NRG1: variants seen among roughly 807,000 people sequenced by gnomAD.
NRG1 encodes the protein neuregulin 1, also known as pro-neuregulin-1, membrane-bound isoform.
A neutral mutation model predicts 63.8 loss-of-function variants in NRG1; 18 were observed. That is an observed-to-expected ratio of 0.28 (90% confidence interval 0.19 to 0.42). The LOEUF is 0.42. Ranked by LOEUF, NRG1 falls within the 10% of genes least tolerant of loss-of-function variation. The pLI is 1.00. For synonymous variants in NRG1, 302 were observed against 301.3 expected, an observed-to-expected ratio of 1.00 and a Z score of -0.02; for missense variants, 762 against 814.7, an observed-to-expected ratio of 0.94 and a Z score of 0.79.
At chr8:32,061,504 C>A (rs187564018) in intron 1 of NRG1, among the ~76,000 whole-genome samples, 6 of 151,892 alleles carry the variant, frequency 4.0e-5, no homozygotes, top group Non-Finnish European at 8.8e-5. Flanking sequence ...CAGATATTCC[C>A]GCCTTCCACT....
rs199950095 is a variant in NRG1, at chr8:32,251,865, C to T, written c.38-343963C>T. On this transcript the variant is annotated intron_variant, in intron 1 of 10. Coordinates refer to the NRG1 transcript ENST00000519301. ...ATGATTTTCTCATATGTTTGTTAGC[C>T]GCATAATGGTCATTTCTCTAATGTT... is the stretch of plus-strand genomic sequence containing the variant. 1.3e-5 allele frequency among the ~76,000 whole-genome samples: 2 copies of T among 148,962 alleles called. 1 individual carries two copies. The highest frequency in any genetic ancestry group is 6.4e-3 in the Middle Eastern group (2 of 312).
chr8:32,540,179 G>A (rs1030527482), intron 1 of NRG1, among the ~76,000 whole-genome samples: 4 of 152,062 alleles, frequency 2.6e-5, no homozygotes, highest in Non-Finnish European at 4.4e-5. Flanking sequence ...CAGGTAAACC[G>A]GCAGGATAAA....
rs764117626 is a variant in NRG1 at position 31,640,458 on chromosome 8, G to A, written c.37+1027G>A. The A allele has an allele frequency of 8.3e-6, 13 of 1,570,024 alleles. No homozygotes were observed. In the South Asian group the frequency reaches 1.5e-4, roughly 18 times the overall value. Reference sequence around the variant, plus strand: ...GCGCCGGCGAGCCCGGGGAGGAGGCGCCCTATCTGGTGAAGGTGCACCAGG... The same window carrying A: ...GCGCCGGCGAGCCCGGGGAGGAGGCACCCTATCTGGTGAAGGTGCACCAGG... On this transcript the variant is annotated intron_variant, in intron 1 of 10. Transcript: ENST00000519301. The surrounding 1 kb of genome is among the most constrained non-coding windows in gnomAD (Gnocchi z 6.3).
chr8:32,772,134 G>A (rs554678675), downstream of NRG1, among the ~76,000 whole-genome samples: 6 of 149,060 alleles, frequency 4.0e-5, no homozygotes, highest in East Asian at 3.9e-4. Context: ...AGACGGCTCT[G>A]GTTTCAGATT....
At chr8:32,741,453 C>CT (rs1307687988) in intron 6 of NRG1, among the ~76,000 whole-genome samples, 1 of 151,974 alleles carries the variant, frequency 6.6e-6, no homozygotes, top group Non-Finnish European at 1.5e-5. Flanking sequence ...TTTGTAATGT[C>CT]TTTTTAAAAA....
intron 1 of NRG1, among the ~76,000 whole-genome samples, chr8:32,534,058 TG>T (rs1302166131): frequency 6.6e-6 from 1 of 152,052 alleles, no homozygotes; most frequent in African/African-American, 2.4e-5. Flanking sequence ...GTCATACTCA[TG>T]AGTACAGAAA....
chr8:32,108,466 C>T (rs867877584), intron 1 of NRG1, among the ~76,000 whole-genome samples: 6 of 152,142 alleles, frequency 3.9e-5, no homozygotes, highest in Non-Finnish European at 4.4e-5. Context: ...TTATAGAGGC[C>T]TTAATCGCAT....
At chr8:31,897,228 G>T (rs62508657) in intron 1 of NRG1, among the ~76,000 whole-genome samples, 4 of 151,900 alleles carry the variant, frequency 2.6e-5, no homozygotes, top group Non-Finnish European at 5.9e-5. Flanking sequence ...ATGATAGGAT[G>T]GGGGAGTAGG....
chr8:31,894,966 A>G (rs1332197495), intron 1 of NRG1, among the ~76,000 whole-genome samples: 1 of 152,232 alleles, frequency 6.6e-6, no homozygotes, highest in African/African-American at 2.4e-5. Flanking sequence ...ACTTACATAT[A>G]ACACCAGAAG....
intron 1 of NRG1, among the ~76,000 whole-genome samples, chr8:31,910,389 G>A (rs987750616): frequency 1.2e-4 from 18 of 152,136 alleles, no homozygotes. Context: ...TGTTCTCAGT[G>A]CAACAATAAA....
intron 5 of NRG1, among the ~76,000 whole-genome samples, chr8:32,656,052 G>T (rs1321841893): frequency 8.6e-5 from 13 of 151,966 alleles, no homozygotes. Flanking sequence ...CAAAAACCAT[G>T]GAAATAATAT....
chr8:32,070,943 A>G (rs1313329641), intron 1 of NRG1, among the ~76,000 whole-genome samples: 1 of 152,018 alleles, frequency 6.6e-6, no homozygotes, highest in Non-Finnish European at 1.5e-5. Context: ...ACCTCACCTC[A>G]GCTTCACCGT....
intron 1 of NRG1, among the ~76,000 whole-genome samples, chr8:31,952,275 G>T (rs1270806640): frequency 6.6e-6 from 1 of 152,162 alleles, no homozygotes; most frequent in African/African-American, 2.4e-5. Flanking sequence ...GGGACAGATG[G>T]GCGTGTAAAG....
chr8:32,136,239 C>T (rs950830741), intron 1 of NRG1, among the ~76,000 whole-genome samples: 1 of 152,178 alleles, frequency 6.6e-6, no homozygotes, highest in Non-Finnish European at 1.5e-5. Flanking sequence ...ATAAAATATT[C>T]AGATTCCTTA....
chr8:32,320,797 G>A (rs777903684), intron 1 of NRG1, among the ~76,000 whole-genome samples: 4 of 152,146 alleles, frequency 2.6e-5, no homozygotes, highest in Non-Finnish European at 5.9e-5. Flanking sequence ...CAAAAGACAT[G>A]TCATCATTAC....
chr8:32,187,136 G>C (rs570302554), intron 1 of NRG1, among the ~76,000 whole-genome samples: 2 of 152,344 alleles, frequency 1.3e-5, no homozygotes, highest in South Asian at 4.1e-4. Context: ...GTTAATTAAA[G>C]TGGCAATGGA....
At chr8:32,230,031 C>A (rs1387876429) in intron 1 of NRG1, among the ~76,000 whole-genome samples, 2 of 152,078 alleles carry the variant, frequency 1.3e-5, no homozygotes, top group Non-Finnish European at 2.9e-5. Context: ...GTTTTCACAC[C>A]TTGCCCTTTA....
chr8:31,780,587 C>T (rs955369114), intron 1 of NRG1, among the ~76,000 whole-genome samples: 18 of 152,102 alleles, frequency 1.2e-4, no homozygotes, highest in Admixed American at 3.3e-4. Context: ...TATTGACCTG[C>T]GTTAGAATTT....
In NRG1 at chr8:32,379,250, A is replaced by G. The variant is rs535899712; in HGVS notation, c.38-216578A>G. On this transcript the variant is annotated intron_variant, in intron 1 of 10. Transcript: ENST00000519301. ...TATCAAACATGAGAGATTATGCCTT[A>G]AAACCACTTAACTCTTATTTAAGAT... 3.7e-4 allele frequency among the ~76,000 whole-genome samples: 56 copies of G among 152,290 alleles called. 1 individual carries two copies. The South Asian group carries it at 7.5e-3, about 20-fold the overall frequency.
Sources: gnomAD v4.1 joint callset for allele counts (sites outside exome capture counted in the v4.1 genomes callset) on GRCh38, gnomAD v4.1.1 for gene constraint, Gnocchi (gnomAD v3.1) non-coding constraint, MANE v1.5 for transcripts, NCBI Gene and HGNC (gene_info 2026-07-23, HGNC 2026-07-21) for gene names.